Variants in SNURF observed in about 807,000 individuals in gnomAD.
SNURF encodes the protein SNRPN upstream open reading frame, also known as SNURF protein.
A neutral mutation model predicts 11.6 loss-of-function variants in SNURF; 6 were observed. That is an observed-to-expected ratio of 0.52 (90% CI 0.28 to 1.02). The LOEUF (loss-of-function observed/expected upper bound fraction) is 1.02. SNURF is among the 50% of genes least tolerant of loss of function. The pLI, the probability that SNURF is intolerant of heterozygous loss-of-function variation, is 0.09. For missense variants in SNURF, 84 were observed against 88.4 expected (o/e 0.95, Z 0.20); for synonymous variants, 29 against 31.6 (o/e 0.92, Z 0.27).
chr15:24,956,114 T>C (rs917955708), intron 1 of SNURF, among the ~76,000 whole-genome samples: 3 of 152,124 alleles, frequency 2.0e-5, no homozygotes, highest in African/African-American at 4.8e-5. Flanking sequence ...ACCCTCGCTT[T>C]AGAGGCTATG....
intron 4 of SNURF, among the ~76,000 whole-genome samples, chr15:24,975,842 A>G (rs1032625266): frequency 2.6e-5 from 4 of 152,204 alleles, no homozygotes; most frequent in Admixed American, 2.0e-4. Flanking sequence ...CTTGGTTGAA[A>G]TGGAGAAGAA....
chr15:24,963,688 C>T lies in SNURF; in HGVS notation c.110+1479C>T, dbSNP rs1011077965. Among the ~76,000 whole-genome samples, 5 of 151,010 alleles carry T rather than the reference C, an allele frequency of 3.3e-5. No individual in the cohort carries two copies. The South Asian group carries it at 1.0e-3, about 32-fold the overall frequency. ...ATTTTTTTCAAATTAAAGGTTTTTC[C>T]TCATAGTAAAAACTGAGTAGTAGTT... is the stretch of plus-strand genomic sequence containing the variant. On this transcript the variant is annotated intron_variant, in intron 2 of 2. Transcript: ENST00000577949.
intron 2 of SNURF, chr15:24,967,324 G>A (rs1255638963): frequency 6.5e-6 from 1 of 153,778 alleles, no homozygotes; most frequent in African/African-American, 2.4e-5. Flanking sequence ...TCATAAGATA[G>A]TGTCATCCTC....
At chr15:24,977,673 C>A in intron 6 of SNURF, 1 of 1,125,470 alleles carries the variant, frequency 8.9e-7, no homozygotes, top group Non-Finnish European at 1.2e-6. Flanking sequence ...AAGTACATTG[C>A]AACAGTTGTT....
chr15:24,963,620 A>G (rs1227806962), intron 2 of SNURF, among the ~76,000 whole-genome samples: 1 of 151,900 alleles, frequency 6.6e-6, no homozygotes, highest in African/African-American at 2.4e-5. Context: ...ATCTCAGGAA[A>G]AAAAAAAAAA....
At position 24,974,415 on chromosome 15, in the gene SNURF, G is replaced by A. The variant is rs75184959; in HGVS notation, c.*46-943G>A. ...TCCCCTAGGTCTTCAGAAGCATCAAGTTTTAACTGTGGACATTGGATTTGG... is the reference window on the plus strand; with the variant it reads ...TCCCCTAGGTCTTCAGAAGCATCAAATTTTAACTGTGGACATTGGATTTGG... On this transcript the variant is annotated intron_variant and NMD_transcript_variant, in intron 3 of 6. Transcript: ENST00000580062. The A allele has an allele frequency of 3.2e-3, 5,176 of 1,610,546 alleles. 146 individuals carry two copies. In the African/African-American group the frequency reaches 0.06, roughly 19 times the overall value.
chr15:24,970,503 C>G (rs1476324804), downstream of SNURF, among the ~76,000 whole-genome samples: 2 of 152,050 alleles, frequency 1.3e-5, no homozygotes, highest in East Asian at 3.9e-4. Context: ...TTCTTGAACC[C>G]TAGGGGCAGA....
downstream of SNURF, chr15:24,978,585 G>T: frequency 1.3e-6 from 1 of 792,446 alleles, no homozygotes; most frequent in Non-Finnish European, 2.1e-6. Flanking sequence ...AAACTGTGAG[G>T]TACTGTTGTA....
downstream of SNURF, among the ~76,000 whole-genome samples, chr15:24,972,614 G>A (rs377740870): frequency 1.4e-5 from 2 of 144,978 alleles, no homozygotes; most frequent in South Asian, 2.2e-4. Context: ...TGCGATCTCC[G>A]CTCAAAAAGA....
At chr15:24,970,020 TGAAA>T (rs2076198763), downstream of SNURF, among the ~76,000 whole-genome samples, 1 of 152,184 alleles carries the variant, frequency 6.6e-6, no homozygotes, top group Non-Finnish European at 1.5e-5. Flanking sequence ...AGGAGCAGAT[TGAAA>T]GAAGAAAACA....
chr15:24,963,160 A>G (rs747196603), intron 2 of SNURF, among the ~76,000 whole-genome samples: 3 of 152,194 alleles, frequency 2.0e-5, no homozygotes, highest in Admixed American at 6.5e-5. Context: ...TATTTTGACA[A>G]TATGTCTTGG....
intron 2 of SNURF, among the ~76,000 whole-genome samples, chr15:24,966,523 G>T (rs1199791145): frequency 1.3e-5 from 2 of 152,104 alleles, no homozygotes; most frequent in Non-Finnish European, 2.9e-5. Flanking sequence ...TCCCAGGAGG[G>T]CTTGCTCAAA....
chr15:24,978,094 A>G (rs1338930486), downstream of SNURF: 9 of 1,321,192 alleles, frequency 6.8e-6, no homozygotes, highest in East Asian at 2.3e-5. Flanking sequence ...TGACTCTATC[A>G]TTGTTGTCTG....
chr15:24,965,762 T>C (rs560845692), intron 2 of SNURF, among the ~76,000 whole-genome samples: 38 of 152,304 alleles, frequency 2.5e-4, no homozygotes, highest in African/African-American at 8.9e-4. Context: ...AAATTCTGTG[T>C]AGGCTGCCTC....
intron 2 of SNURF, 117 bp from the exon 3 acceptor site, chr15:24,967,815 A>G: frequency 2.3e-6 from 2 of 865,260 alleles, no homozygotes; most frequent in Non-Finnish European, 1.7e-6. Flanking sequence ...CTGGAAAAAA[A>G]AAAAAAAAAA....
At chr15:24,957,224 A>G (rs1327202230) in intron 1 of SNURF, among the ~76,000 whole-genome samples, 1 of 152,024 alleles carries the variant, frequency 6.6e-6, no homozygotes, top group African/African-American at 2.4e-5. Context: ...GGGTTGGGGG[A>G]GAGGACATCG....
chr15:24,955,923 G>A (rs980576017), intron 1 of SNURF, among the ~76,000 whole-genome samples: 8 of 151,984 alleles, frequency 5.3e-5, no homozygotes, highest in African/African-American at 1.9e-4. Context: ...TGATTGCTGT[G>A]TAGAGGAGGG....
chr15:24,968,933 T>G (rs1047321702), downstream of SNURF: 6 of 152,150 alleles, frequency 3.9e-5, no homozygotes, highest in African/African-American at 1.4e-4. Context: ...CCTCTGTGAT[T>G]TTTCTTTTTT....
At chr15:24,956,895 C>G (rs8027709) in intron 1 of SNURF, among the ~76,000 whole-genome samples, 148,919 of 152,292 alleles carry the variant, frequency 0.98, 72,839 homozygotes, top group East Asian at 1. Context: ...AGAGTGGTGG[C>G]GGCCTGGAGG....
Sources: allele counts gnomAD v4.1 joint callset (sites outside exome capture counted in the v4.1 genomes callset), GRCh38; gene constraint gnomAD v4.1.1; transcripts MANE v1.5; gene names NCBI Gene and HGNC (gene_info 2026-07-23, HGNC 2026-07-21).